Variants in TASP1 observed in about 807,000 individuals in gnomAD.
TASP1 encodes taspase 1.
TASP1 carries 16 observed loss-of-function variants against 56.6 expected under a neutral mutation model. That is an observed-to-expected ratio of 0.28 (90% CI 0.19 to 0.43). The LOEUF (loss-of-function observed/expected upper bound fraction) is 0.43, where lower values mean the gene tolerates loss of function less well. Among genes scored for constraint, TASP1 ranks in the 20% least tolerant of loss-of-function variants. TASP1 has a pLI of 1.00. For missense variants in TASP1, 393 were observed against 511.6 expected, an observed-to-expected ratio of 0.77 and a Z score of 2.24; for synonymous variants, 179 against 184.2, an observed-to-expected ratio of 0.97 and a Z score of 0.23.
chr20:13,470,028 C>T (rs1260152890), intron 11 of TASP1, among the ~76,000 whole-genome samples: 3 of 151,518 alleles, frequency 2.0e-5, no homozygotes, highest in East Asian at 1.9e-4. Context: ...AGGCTGGTCT[C>T]GAACTCCTGA....
At chr20:13,273,215 T>TTTTTTTTTTATTTTATTTTATTTTA in the TASP1 span, among the ~76,000 whole-genome samples, 1 of 130,704 alleles carries the variant, frequency 7.7e-6, no homozygotes, top group East Asian at 2.2e-4. Context: ...ACTTGGGTCT[T>TTTTTTTTTTATTTTATTTTATTTTA]TTTTATTTTA....
chr20:13,625,884 T>C (rs529689258), intron 2 of TASP1, among the ~76,000 whole-genome samples: 26 of 152,352 alleles, frequency 1.7e-4, no homozygotes, highest in Non-Finnish European at 3.7e-4. Context: ...GTCTCTGTCT[T>C]TTAATCAAAT....
At chr20:13,587,119 T>C (rs2047334633) in intron 5 of TASP1, 131 bp downstream of exon 5, 2 of 1,236,106 alleles carry the variant, frequency 1.6e-6, no homozygotes, top group Non-Finnish European at 2.2e-6. Context: ...TTAAATTCAA[T>C]AAAAAAAGAA....
In TASP1 at chr20:13,534,108, C is replaced by A; in HGVS notation, c.709G>T (p.Ala237Ser). The stretch of plus-strand genomic sequence containing the variant: ...TTCCCTTCGTGGTCCACAACCACAG[C>A]GCCTACCGTGTCCAAAGTGCCTGAG... ...NDSGTLDTVG[A>S]VVVDHEGNVA... The change falls in exon 9 of 14, where the codon GCT (alanine) becomes TCT (serine). Residue 237 changes from alanine (A) to serine (S), a missense_variant. Ala to Ser is a moderately conservative substitution (Grantham distance 99). Transcript: ENST00000337743. 6.2e-7 allele frequency: 1 copy of A among 1,613,612 alleles called. No homozygotes were observed. The highest frequency in any genetic ancestry group is 8.5e-7 in the Non-Finnish European group (1 of 1,179,686).
intron 10 of TASP1, among the ~76,000 whole-genome samples, chr20:13,518,277 A>G (rs1007797576): frequency 7.2e-5 from 11 of 152,138 alleles, no homozygotes; most frequent in Non-Finnish European, 1.0e-4. Flanking sequence ...AGTGGACTAA[A>G]GAGTCTGGAT....
chr20:13,462,589 G>A (rs1050870140), intron 11 of TASP1, among the ~76,000 whole-genome samples: 1 of 152,046 alleles, frequency 6.6e-6, no homozygotes, highest in African/African-American at 2.4e-5. Context: ...GATTTTCCAG[G>A]CATCACAAGA....
At chr20:13,173,833 A>G in the TASP1 span, among the ~76,000 whole-genome samples, 21 of 152,228 alleles carry the variant, frequency 1.4e-4, no homozygotes, top group African/African-American at 4.3e-4. Context: ...ACAGGGTAAT[A>G]GCCTGGAGTC....
At chr20:13,557,424 G>C (rs2046195781) in intron 8 of TASP1, among the ~76,000 whole-genome samples, 2 of 152,162 alleles carry the variant, frequency 1.3e-5, no homozygotes, top group African/African-American at 4.8e-5. Context: ...GACAGTGGCT[G>C]CCTTTAAGTT....
chr20:13,187,426 C>A, the TASP1 span, among the ~76,000 whole-genome samples: 5 of 151,030 alleles, frequency 3.3e-5, no homozygotes, highest in African/African-American at 1.2e-4. Context: ...AAAAAAAAAA[C>A]CTGAGGCCAA....
intron 4 of TASP1, among the ~76,000 whole-genome samples, chr20:13,607,495 GCAAA>G (rs1171527544): frequency 3.3e-5 from 5 of 152,272 alleles, no homozygotes; most frequent in Admixed American, 3.3e-4. Flanking sequence ...TCTTACAGAT[GCAAA>G]CAATTTAGTT....
chr20:13,518,277 A>C (rs1007797576), intron 10 of TASP1, among the ~76,000 whole-genome samples: 23 of 152,140 alleles, frequency 1.5e-4, no homozygotes, highest in African/African-American at 5.5e-4. Flanking sequence ...AGTGGACTAA[A>C]GAGTCTGGAT....
chr20:13,254,515 C>T, the TASP1 span, among the ~76,000 whole-genome samples: 1 of 152,194 alleles, frequency 6.6e-6, no homozygotes, highest in Non-Finnish European at 1.5e-5. Context: ...ACCCCTGCTG[C>T]TCTCTGTTGC....
the TASP1 span, among the ~76,000 whole-genome samples, chr20:13,375,418 CT>C: frequency 7.2e-5 from 11 of 152,114 alleles, no homozygotes; most frequent in African/African-American, 2.7e-4. Context: ...TAAACTCATT[CT>C]TTTTTATGGC....
At chr20:13,124,751 C>T in the TASP1 span, among the ~76,000 whole-genome samples, 1 of 152,156 alleles carries the variant, frequency 6.6e-6, no homozygotes, top group Admixed American at 6.5e-5. Context: ...GTTGAAAATG[C>T]TTGTGAGCAA....
the TASP1 span, among the ~76,000 whole-genome samples, chr20:13,112,302 C>T: frequency 6.6e-6 from 1 of 152,174 alleles, no homozygotes; most frequent in Non-Finnish European, 1.5e-5. Flanking sequence ...ACCTGGAGTG[C>T]CATGCTCTCT....
chr20:13,537,533 T>C (rs1457059264), intron 8 of TASP1, among the ~76,000 whole-genome samples: 1 of 152,120 alleles, frequency 6.6e-6, no homozygotes, highest in Admixed American at 6.6e-5. Flanking sequence ...TTAGAAAGGT[T>C]AAAAAACATA....
intron 8 of TASP1, among the ~76,000 whole-genome samples, chr20:13,550,147 T>TACATACACAC (rs2045931692): frequency 1.5e-5 from 2 of 135,304 alleles, no homozygotes. Flanking sequence ...TATATACACA[T>TACATACACAC]ACACACACAC....
At chr20:13,349,009 T>C in the TASP1 span, among the ~76,000 whole-genome samples, 1 of 152,172 alleles carries the variant, frequency 6.6e-6, no homozygotes, top group African/African-American at 2.4e-5. Flanking sequence ...CTGTCATTTG[T>C]GTGGGTTAAG....
intron 4 of TASP1, among the ~76,000 whole-genome samples, chr20:13,607,650 C>T (rs888822687): frequency 3.9e-5 from 6 of 152,182 alleles, no homozygotes; most frequent in Non-Finnish European, 7.3e-5. Flanking sequence ...AGTACTCACA[C>T]TCTGTCGCTC....
Sources: gnomAD v4.1 joint callset for allele counts (sites outside exome capture counted in the v4.1 genomes callset) on GRCh38, gnomAD v4.1.1 for gene constraint, MANE v1.5 for transcripts, NCBI Gene and HGNC (gene_info 2026-07-23, HGNC 2026-07-21) for gene names.